The following PDE6A variants were observed in gnomAD, a reference collection of about 807,000 sequenced individuals.
PDE6A encodes rod cGMP-specific 3',5'-cyclic phosphodiesterase subunit alpha.
In PDE6A, 84 loss-of-function variants were observed where a neutral mutation model predicts 106.3. The ratio of observed to expected loss-of-function variants is 0.79; its 90% CI spans 0.66 to 0.95. The LOEUF is 0.95. Ranked by LOEUF, PDE6A falls within the 40% of genes least tolerant of loss-of-function variation. PDE6A has a pLI of 0.00. For missense variants in PDE6A, 1,052 were observed against 1,084.9 expected (o/e 0.97, Z 0.43); for synonymous variants, 394 against 386.6 (o/e 1.02, Z -0.23).
At chr5:149,886,901 G>C (rs1389382566) in intron 13 of PDE6A, among the ~76,000 whole-genome samples, 2 of 152,194 alleles carry the variant, frequency 1.3e-5, no homozygotes, top group Admixed American at 6.5e-5. Flanking sequence ...GTGCTCTGGA[G>C]AGCTGATGCT....
At chr5:149,924,293 A>T (rs1027118003) in intron 4 of PDE6A, among the ~76,000 whole-genome samples, 1 of 152,102 alleles carries the variant, frequency 6.6e-6, no homozygotes, top group Admixed American at 6.6e-5. Flanking sequence ...TATTGGCCTG[A>T]CACCTCATGT....
chr5:149,869,657 C>A (rs1183065466), intron 17 of PDE6A, among the ~76,000 whole-genome samples: 1 of 152,124 alleles, frequency 6.6e-6, no homozygotes, highest in East Asian at 1.9e-4. Flanking sequence ...AGGTTAAAGG[C>A]CCAATTGTGA....
intron 9 of PDE6A, 65 bp from the exon 10 acceptor site, chr5:149,898,571 C>A: frequency 6.6e-7 from 1 of 1,525,096 alleles, no homozygotes; most frequent in Non-Finnish European, 9.0e-7. Context: ...CTCTAAAACT[C>A]ATAGCAAGAG....
chr5:149,907,427 G>T, intron 6 of PDE6A, 49 bp from the exon 7 acceptor site: 1 of 1,460,298 alleles, frequency 6.8e-7, no homozygotes, highest in Non-Finnish European at 9.6e-7. Flanking sequence ...GGGATTGCTG[G>T]ACTAAAGACT....
intron 12 of PDE6A, among the ~76,000 whole-genome samples, chr5:149,896,144 A>G (rs1202038679): frequency 6.6e-6 from 1 of 152,152 alleles, no homozygotes; most frequent in African/African-American, 2.4e-5. Flanking sequence ...CAAGAAACCA[A>G]CGCACCCAAA....
intron 2 of PDE6A, among the ~76,000 whole-genome samples, 158 bp from the exon 3 acceptor site, chr5:149,934,177 G>A (rs1244936942): frequency 6.6e-6 from 1 of 152,224 alleles, no homozygotes; most frequent in African/African-American, 2.4e-5. Flanking sequence ...TGTTGCATGA[G>A]CATAAAACTC....
intron 13 of PDE6A, among the ~76,000 whole-genome samples, chr5:149,888,082 A>T (rs1485150875): frequency 2.0e-5 from 3 of 152,182 alleles, no homozygotes. Context: ...GGCTGCAGTG[A>T]GCCGTGTGTT....
chr5:149,862,086 G>A (rs1760164600), intron 21 of PDE6A, among the ~76,000 whole-genome samples: 1 of 152,178 alleles, frequency 6.6e-6, no homozygotes, highest in South Asian at 2.1e-4. Flanking sequence ...CATTTTCCAT[G>A]TGTAAGAGCC....
intron 17 of PDE6A, among the ~76,000 whole-genome samples, chr5:149,872,502 C>T (rs1439614174): frequency 6.6e-6 from 1 of 152,128 alleles, no homozygotes; most frequent in African/African-American, 2.4e-5. Flanking sequence ...CCTGGACCAT[C>T]CCCAAGGCAA....
Position 149,886,319 on chromosome 5 carries a change from G to T in PDE6A, c.1784C>A (p.Ala595Asp), listed in dbSNP as rs758350163. ...TDLEALAMVT[A>D]AFCHDIDHRG... ...GTGGTCAATGTCATGGCAGAAAGCA[G>T]CAGTGACCATGGCCAAGGCCTCTAG... Residue 595 changes from alanine to aspartate, a missense_variant, in exon 14 of 22, where the codon GCT (alanine) becomes GAT (aspartate). By Grantham distance (126) the Ala-to-Asp change is moderately radical. This residue lies in a region of PDE6A where 913 missense variants were observed against 915.2 expected (regional missense o/e 1.00). Transcript: ENST00000255266. The T allele has an allele frequency of 6.2e-7, 1 of 1,614,100 alleles. No homozygotes were observed. The highest frequency in any genetic ancestry group is 8.5e-7 in the Non-Finnish European group (1 of 1,180,032).
intron 2 of PDE6A, 32 bp downstream of exon 2, chr5:149,934,534 A>G (rs1337619955): frequency 6.2e-7 from 1 of 1,611,204 alleles, no homozygotes. Flanking sequence ...ATGTGCTAGC[A>G]TGGCTATCCT....
intron 17 of PDE6A, among the ~76,000 whole-genome samples, chr5:149,868,659 G>C (rs766430566): frequency 6.6e-6 from 1 of 151,760 alleles, no homozygotes; most frequent in African/African-American, 2.4e-5. Context: ...TCTCATCATT[G>C]TTCCCTGCCC....
intron 17 of PDE6A, among the ~76,000 whole-genome samples, chr5:149,874,180 C>A (rs922107200): frequency 6.6e-6 from 1 of 152,100 alleles, no homozygotes; most frequent in Non-Finnish European, 1.5e-5. Context: ...CAATTCATTT[C>A]AACTCTGATA....
intron 7 of PDE6A, among the ~76,000 whole-genome samples, chr5:149,906,056 G>A (rs1049805306): frequency 6.6e-6 from 1 of 151,602 alleles, no homozygotes; most frequent in Admixed American, 6.6e-5. Flanking sequence ...CGGAGTCTTG[G>A]TATGTTGCCC....
At chr5:149,872,490 C>T (rs1055575950) in intron 17 of PDE6A, among the ~76,000 whole-genome samples, 3 of 152,090 alleles carry the variant, frequency 2.0e-5, no homozygotes, top group East Asian at 1.9e-4. Flanking sequence ...AGCTCTTATC[C>T]GCCTGGACCA....
chr5:149,884,846 C>T lies in PDE6A; in HGVS notation c.1860G>A (p.Lys620=). 1 of 1,614,088 alleles carries T rather than the reference C, an allele frequency of 6.2e-7. No homozygotes were observed. The highest frequency in any genetic ancestry group is 1.1e-5 in the South Asian group (1 of 91,084). Residue 620 remains lysine, a synonymous_variant, in exon 15 of 22, where the codon AAG becomes AAA. Transcript: ENST00000255266. ...TTTCCAAGATAGAGGACCCATGGAG[C>T]TTGGCCAGTGGGTTCTGGGATCTGA... ...YQMKSQNPLA[K]LHGSSILERH... is the part of the protein sequence containing the mutation.
chr5:149,892,304 G>A (rs184752733), intron 13 of PDE6A, among the ~76,000 whole-genome samples: 88 of 151,974 alleles, frequency 5.8e-4, no homozygotes, highest in African/African-American at 2.0e-3. Flanking sequence ...CAACAGAGTA[G>A]GAGCTCAAAT....
At chr5:149,893,754 C>T (rs1752630228) in intron 13 of PDE6A, among the ~76,000 whole-genome samples, 1 of 152,212 alleles carries the variant, frequency 6.6e-6, no homozygotes, top group Non-Finnish European at 1.5e-5. Flanking sequence ...TCATGCATCA[C>T]TAGCTGGCCT....
intron 19 of PDE6A, 108 bp downstream of exon 19, chr5:149,867,617 G>T (rs894081314): frequency 8.1e-6 from 8 of 986,006 alleles, no homozygotes; most frequent in African/African-American, 1.6e-5. Context: ...TTAGGAAAAG[G>T]TCATCTTTAT....
Sources: gnomAD v4.1 joint callset for allele counts (sites outside exome capture counted in the v4.1 genomes callset) on GRCh38, gnomAD v4.1.1 for gene constraint, gnomAD v4.1.1 regional missense constraint, MANE v1.5 for transcripts, NCBI Gene and HGNC (gene_info 2026-07-23, HGNC 2026-07-21) for gene names.